The following FAM117B variants were observed in gnomAD, a reference collection of about 807,000 sequenced individuals.
FAM117B encodes the protein family with sequence similarity 117 member B, also known as protein FAM117B.
A neutral mutation model predicts 52.8 loss-of-function variants in FAM117B; 22 were observed. The observed-to-expected ratio is 0.42, with a 90% CI of 0.30 to 0.59. The LOEUF (loss-of-function observed/expected upper bound fraction) is 0.59. Ranked by LOEUF, FAM117B falls within the 20% of genes least tolerant of loss-of-function variation. FAM117B has a pLI of 0.22. For missense variants in FAM117B, 678 were observed against 802.6 expected (o/e 0.84, Z 1.88); for synonymous variants, 309 against 324.1 (o/e 0.95, Z 0.50).
rs147186176 is a variant in FAM117B, at chr2:202,671,176, C to G, written c.602-24705C>G. ...AAACACCGTTTTGAGATTAATGCTACATGGTGTTTTAATTTGGGTTCCACC... is the reference window on the plus strand; with the variant it reads ...AAACACCGTTTTGAGATTAATGCTAGATGGTGTTTTAATTTGGGTTCCACC... On this transcript the variant is annotated intron_variant, in intron 1 of 7. Coordinates refer to ENST00000392238, the MANE Select transcript of FAM117B (RefSeq NM_173511.4). Among the ~76,000 whole-genome samples, 550 of 152,300 alleles carry G rather than the reference C, an allele frequency of 3.6e-3. 2 individuals are homozygous for G. Among genetic ancestry groups the G allele is most frequent in the Non-Finnish European group, 6.8e-3 (464 of 68,016 alleles).
chr2:202,762,025 A>G (rs1691898119), intron 7 of FAM117B, among the ~76,000 whole-genome samples: 1 of 152,192 alleles, frequency 6.6e-6, no homozygotes, highest in African/African-American at 2.4e-5. Context: ...CCTTTTGTCA[A>G]TAAAATAAGT....
intron 2 of FAM117B, among the ~76,000 whole-genome samples, chr2:202,709,121 C>T (rs887908690): frequency 1.3e-5 from 2 of 151,982 alleles, no homozygotes; most frequent in South Asian, 2.1e-4. Context: ...TTCTTACATA[C>T]CTCTTGGTCA....
chr2:202,637,531 G>A (rs1488791591), intron 1 of FAM117B, among the ~76,000 whole-genome samples: 1 of 152,020 alleles, frequency 6.6e-6, no homozygotes, highest in East Asian at 1.9e-4. Context: ...TGCTAGGATT[G>A]CCCAGCCCAG....
Position 202,656,458 on chromosome 2 carries a change from T to G in FAM117B, c.601+20670T>G, listed in dbSNP as rs189714766. Among the ~76,000 whole-genome samples, 26 of 152,358 alleles carry G rather than the reference T, an allele frequency of 1.7e-4. No homozygotes were observed. The East Asian group carries it at 5.0e-3, about 29-fold the overall frequency. On this transcript the variant is annotated intron_variant, in intron 1 of 7. Coordinates refer to ENST00000392238, the MANE Select transcript of FAM117B (RefSeq NM_173511.4). ...TCTAGTTTTCCTTGAGGCTTGTTCT[T>G]TGACCCACAGATTACTTAGAAGGGT... is the stretch of plus-strand genomic sequence containing the variant.
chr2:202,729,975 T>A (rs1200346989), intron 4 of FAM117B, among the ~76,000 whole-genome samples: 3 of 152,148 alleles, frequency 2.0e-5, no homozygotes, highest in Non-Finnish European at 4.4e-5. Flanking sequence ...AGGGAAATAA[T>A]TTAAGAATAG....
chr2:202,665,658 T>C (rs1690193489), intron 1 of FAM117B, among the ~76,000 whole-genome samples: 1 of 152,144 alleles, frequency 6.6e-6, no homozygotes, highest in Non-Finnish European at 1.5e-5. Flanking sequence ...TGGAGTGCAG[T>C]GGTGCAATCT....
chr2:202,759,444 C>A, intron 7 of FAM117B, 91 bp downstream of exon 7: 1 of 1,498,712 alleles, frequency 6.7e-7, no homozygotes, highest in Non-Finnish European at 8.9e-7. Flanking sequence ...GGCTGGACTG[C>A]ACTGATGCAG....
At chr2:202,694,174 T>G (rs1318687793) in intron 1 of FAM117B, among the ~76,000 whole-genome samples, 1 of 150,020 alleles carries the variant, frequency 6.7e-6, no homozygotes, top group Non-Finnish European at 1.5e-5. Context: ...AAGATGTTAT[T>G]GCAAAACCCA....
chr2:202,694,400 A>C (rs868063304), intron 1 of FAM117B, among the ~76,000 whole-genome samples: 21 of 152,054 alleles, frequency 1.4e-4, no homozygotes, highest in African/African-American at 4.8e-4. Flanking sequence ...CATGTTGGCC[A>C]GGGTGGTCTC....
intron 1 of FAM117B, among the ~76,000 whole-genome samples, chr2:202,654,433 G>T (rs1690023082): frequency 6.6e-6 from 1 of 152,080 alleles, no homozygotes; most frequent in Admixed American, 6.6e-5. Context: ...GTTTATGAAG[G>T]TTGTACTGAT....
At chr2:202,686,736 G>A (rs1343719750) in intron 1 of FAM117B, among the ~76,000 whole-genome samples, 1 of 151,894 alleles carries the variant, frequency 6.6e-6, no homozygotes, top group Admixed American at 6.6e-5. Flanking sequence ...GAACCTGGGA[G>A]GGGGAGGTTG....
chr2:202,647,325 T>G (rs894902854), intron 1 of FAM117B, among the ~76,000 whole-genome samples: 1 of 152,212 alleles, frequency 6.6e-6, no homozygotes, highest in South Asian at 2.1e-4. Context: ...CTAGCAGAAT[T>G]ATTAATGTGT....
intron 1 of FAM117B, among the ~76,000 whole-genome samples, chr2:202,664,644 A>AC (rs1690174929): frequency 6.6e-6 from 1 of 152,200 alleles, no homozygotes; most frequent in African/African-American, 2.4e-5. Context: ...CAAGTACATG[A>AC]TTGAGTCCTG....
At chr2:202,657,937 C>G (rs1690076751) in intron 1 of FAM117B, among the ~76,000 whole-genome samples, 1 of 152,020 alleles carries the variant, frequency 6.6e-6, no homozygotes. Context: ...ATATACATAC[C>G]TAACTTTATA....
Position 202,712,182 on chromosome 2 carries a change from ATTTC to A in FAM117B, c.754-12727_754-12724del, listed in dbSNP as rs1398933084. The stretch of plus-strand genomic sequence containing the variant: ...TATTCTTTTAATCCATGAACATGGG[ATTTC>A]TTTCTTTTTTTGTGTGTCTTTAATT... On this transcript the variant is annotated intron_variant, in intron 2 of 7. Transcript: ENST00000392238. Among the ~76,000 whole-genome samples the A allele has an allele frequency of 4.6e-5, 7 of 151,974 alleles. No individual in the cohort carries two copies. In the East Asian group the frequency reaches 1.4e-3, roughly 29 times the overall value.
chr2:202,671,305 T>C (rs1314607545), intron 1 of FAM117B, among the ~76,000 whole-genome samples: 2 of 152,200 alleles, frequency 1.3e-5, no homozygotes, highest in African/African-American at 4.8e-5. Flanking sequence ...TTAATAAGCG[T>C]GCTTTAATAA....
intron 1 of FAM117B, among the ~76,000 whole-genome samples, chr2:202,669,683 A>G (rs1690260458): frequency 6.6e-6 from 1 of 152,196 alleles, no homozygotes; most frequent in Non-Finnish European, 1.5e-5. Flanking sequence ...TTATGAAAGT[A>G]TTTCCTTAAA....
chr2:202,715,113 G>A (rs1691024372), intron 2 of FAM117B, among the ~76,000 whole-genome samples: 1 of 151,986 alleles, frequency 6.6e-6, no homozygotes, highest in African/African-American at 2.4e-5. Flanking sequence ...GGGCAGCCGG[G>A]CAGAGGCGCC....
At chr2:202,706,669 A>G (rs187285019) in intron 2 of FAM117B, among the ~76,000 whole-genome samples, 2 of 152,324 alleles carry the variant, frequency 1.3e-5, no homozygotes, top group Admixed American at 1.3e-4. Flanking sequence ...TATTTGGTAG[A>G]TCTAAGCATT....
Sources: allele counts gnomAD v4.1 joint callset (sites outside exome capture counted in the v4.1 genomes callset), GRCh38; gene constraint gnomAD v4.1.1; transcripts MANE v1.5; gene names NCBI Gene and HGNC (gene_info 2026-07-23, HGNC 2026-07-21).